The following RPTOR variants were observed in gnomAD, a reference collection of about 807,000 sequenced individuals.
The protein encoded by RPTOR is regulatory associated protein of MTOR complex 1, also known as regulatory-associated protein of mTOR.
Under a neutral mutation model 169.9 loss-of-function variants are expected in RPTOR, and 21 were observed. That is an observed-to-expected ratio of 0.12 (90% confidence interval 0.09 to 0.18). RPTOR has a LOEUF of 0.18. Ranked by LOEUF, RPTOR falls within the 10% of genes least tolerant of loss-of-function variation. RPTOR has a pLI of 1.00. For missense variants in RPTOR, 1,133 were observed against 1,855.9 expected (o/e 0.61, Z 7.16); for synonymous variants, 732 against 753.2 (o/e 0.97, Z 0.46).
intron 7 of RPTOR, among the ~76,000 whole-genome samples, chr17:80,793,431 T>C (rs555795629): frequency 6.6e-6 from 1 of 152,344 alleles, no homozygotes; most frequent in African/African-American, 2.4e-5. Context: ...GGGTGAAAAC[T>C]GTCTTGGTGT....
At chr17:80,883,335 A>G (rs2068206787) in intron 14 of RPTOR, 84 bp from the exon 15 acceptor site, 1 of 1,235,138 alleles carries the variant, frequency 8.1e-7, no homozygotes, top group East Asian at 2.3e-5. Context: ...TGTCATGAAG[A>G]TTCCGAAAGG....
intron 17 of RPTOR, among the ~76,000 whole-genome samples, chr17:80,891,145 TC>T (rs2068317676): frequency 6.6e-6 from 1 of 152,228 alleles, no homozygotes; most frequent in Non-Finnish European, 1.5e-5. Flanking sequence ...TTGTGTCTGT[TC>T]CCTTGGACCA....
intron 1 of RPTOR, among the ~76,000 whole-genome samples, chr17:80,564,388 T>A (rs751835409): frequency 2.0e-5 from 3 of 152,158 alleles, no homozygotes; most frequent in Admixed American, 6.5e-5. Flanking sequence ...CTGGTGTTGA[T>A]TCCTAGGGGT....
chr17:80,952,503 C>A (rs570662952), intron 28 of RPTOR, among the ~76,000 whole-genome samples: 1 of 152,344 alleles, frequency 6.6e-6, no homozygotes, highest in African/African-American at 2.4e-5. Context: ...CCCCAGCCCC[C>A]ACTCGCCTCT....
chr17:80,728,330 T>A (rs2066358001), intron 4 of RPTOR, among the ~76,000 whole-genome samples: 1 of 152,192 alleles, frequency 6.6e-6, no homozygotes, highest in Non-Finnish European at 1.5e-5. Flanking sequence ...TCTTACTGTA[T>A]CAGTCAGTCT....
chr17:80,782,617 G>A (rs1206946034), intron 6 of RPTOR, among the ~76,000 whole-genome samples: 1 of 152,134 alleles, frequency 6.6e-6, no homozygotes, highest in African/African-American at 2.4e-5. Context: ...TTGCCCCATA[G>A]CTGTTCCTCA....
intron 10 of RPTOR, among the ~76,000 whole-genome samples, chr17:80,839,294 C>T (rs1191171014): frequency 2.0e-5 from 3 of 152,188 alleles, no homozygotes; most frequent in Non-Finnish European, 4.4e-5. Flanking sequence ...TTATAATCTT[C>T]TGTTACCCTC....
intron 24 of RPTOR, among the ~76,000 whole-genome samples, chr17:80,937,630 G>C (rs1042192665): frequency 2.0e-5 from 3 of 152,234 alleles, no homozygotes; most frequent in African/African-American, 7.2e-5. Flanking sequence ...CAGGAGCTCT[G>C]TTTACAGGGA....
At chr17:80,809,270 C>A (rs376939278) in intron 7 of RPTOR, among the ~76,000 whole-genome samples, 7 of 152,222 alleles carry the variant, frequency 4.6e-5, no homozygotes, top group African/African-American at 1.7e-4. Flanking sequence ...CAGCTCACTG[C>A]AACCTCCGCC....
intron 32 of RPTOR, 140 bp from the exon 33 acceptor site, chr17:80,962,788 G>A: frequency 6.9e-7 from 1 of 1,439,528 alleles, no homozygotes; most frequent in East Asian, 2.4e-5. Flanking sequence ...CTCAGTGAGA[G>A]TGACCAGAGG....
intron 26 of RPTOR, among the ~76,000 whole-genome samples, chr17:80,945,985 C>T (rs1364255357): frequency 2.0e-5 from 3 of 152,198 alleles, no homozygotes; most frequent in Non-Finnish European, 4.4e-5. Flanking sequence ...CCGGGCCTGG[C>T]CCTGTCCTTG....
chr17:80,963,840 C>CCCCTGTGCGGCCGAGTCCTCACCCTGTA (rs2069385291), intron 33 of RPTOR, among the ~76,000 whole-genome samples: 1 of 152,076 alleles, frequency 6.6e-6, no homozygotes, highest in African/African-American at 2.4e-5. Context: ...CTCACCCTGT[C>CCCCTGTGCGGCCGAGTCCTCACCCTGTA]CCCTGTGCGG....
rs1240687757 is a variant in RPTOR at position 80,708,335 on chromosome 17, G to A, written c.507+336G>A. Among the ~76,000 whole-genome samples the A allele has an allele frequency of 6.6e-6, 1 of 152,180 alleles. No homozygotes were observed. The highest frequency in any genetic ancestry group is 1.5e-5 in the Non-Finnish European group (1 of 68,022). On this transcript the variant is annotated intron_variant, in intron 4 of 33. Transcript: ENST00000306801. This position sits in a 1 kb window ranked among gnomAD's most constrained non-coding sequence, Gnocchi z 4.2. ...AAAAATTGCACAATTTCTCAATTTC[G>A]TTAGAATCTTTCTTTAAGCATCGGT...
intron 11 of RPTOR, among the ~76,000 whole-genome samples, chr17:80,850,883 C>A (rs1393581261): frequency 3.9e-5 from 6 of 152,234 alleles, no homozygotes; most frequent in Admixed American, 2.6e-4. Flanking sequence ...TGAAGCAGCT[C>A]TTCCAGTATG....
chr17:80,893,445 G>C (rs1477662927), intron 19 of RPTOR, among the ~76,000 whole-genome samples: 1 of 144,084 alleles, frequency 6.9e-6, no homozygotes, highest in Non-Finnish European at 1.5e-5. Context: ...TGTGTGTACT[G>C]GGTGTGTATA....
At chr17:80,722,173 A>G (rs1036471991) in intron 4 of RPTOR, among the ~76,000 whole-genome samples, 1 of 151,080 alleles carries the variant, frequency 6.6e-6, no homozygotes, top group Non-Finnish European at 1.5e-5. Context: ...GGCATGTTGC[A>G]AAGTGCCGTC....
chr17:80,879,219 G>C (rs577050590), intron 13 of RPTOR, among the ~76,000 whole-genome samples: 6 of 151,940 alleles, frequency 3.9e-5, no homozygotes, highest in Non-Finnish European at 8.8e-5. Context: ...TCGCATCCCT[G>C]GCATCATCTC....
chr17:80,743,400 A>G, intron 5 of RPTOR: 1 of 985,516 alleles, frequency 1.0e-6, no homozygotes, highest in Non-Finnish European at 1.2e-6. Flanking sequence ...GAGCCGTAGA[A>G]CGTAAGAAGT....
At position 80,726,115 on chromosome 17, in the gene RPTOR, C is replaced by T. The variant is rs2066331435; in HGVS notation, c.508-4445C>T. Reference sequence around the variant, plus strand: ...GGGACAGACGCCGCTCACAGAGAAGCGACCACAGAGGCCCACATCCAAGCA... The same window carrying T: ...GGGACAGACGCCGCTCACAGAGAAGTGACCACAGAGGCCCACATCCAAGCA... On this transcript the variant is annotated intron_variant, in intron 4 of 33. Coordinates refer to ENST00000306801, the MANE Select transcript of RPTOR (RefSeq NM_020761.3). The surrounding 1 kb of genome is among the most constrained non-coding windows in gnomAD (Gnocchi z 4.5). Among the ~76,000 whole-genome samples, 1 of 152,198 alleles carries T rather than the reference C, an allele frequency of 6.6e-6. No individual in the cohort carries two copies. Among genetic ancestry groups the T allele is most frequent in the African/African-American group, 2.4e-5 (1 of 41,450 alleles).
Sources: gnomAD v4.1 joint callset for allele counts (sites outside exome capture counted in the v4.1 genomes callset) on GRCh38, gnomAD v4.1.1 for gene constraint, Gnocchi (gnomAD v3.1) non-coding constraint, MANE v1.5 for transcripts, NCBI Gene and HGNC (gene_info 2026-07-23, HGNC 2026-07-21) for gene names.